Variants in FLT1 observed in about 807,000 individuals in gnomAD.
The protein encoded by FLT1 is vascular endothelial growth factor receptor 1.
FLT1 carries 49 observed loss-of-function variants against 156.3 expected under a neutral mutation model. The ratio of observed to expected loss-of-function variants is 0.31; its 90% CI spans 0.25 to 0.40. FLT1 has a LOEUF of 0.40. Among genes scored for constraint, FLT1 ranks in the 10% least tolerant of loss-of-function variants. FLT1 has a pLI of 1.00. For missense variants in FLT1, 1,322 were observed against 1,637.2 expected (o/e 0.81, Z 3.32); for synonymous variants, 594 against 583.8 (o/e 1.02, Z -0.25).
At chr13:28,311,926 AAAAC>A in intron 26 of FLT1, 63 bp downstream of exon 26, 1 of 1,236,180 alleles carries the variant, frequency 8.1e-7, no homozygotes, top group South Asian at 1.3e-5. Flanking sequence ...TCTTAAAAAA[AAAAC>A]AAATAAAATG....
intron 14 of FLT1, among the ~76,000 whole-genome samples, chr13:28,360,334 G>A (rs903961351): frequency 5.3e-5 from 8 of 152,048 alleles, no homozygotes; most frequent in East Asian, 1.9e-4. Flanking sequence ...CCCACTACTG[G>A]GTATCTACCC....
chr13:28,476,261 A>C (rs990285973), intron 1 of FLT1, among the ~76,000 whole-genome samples: 1 of 152,032 alleles, frequency 6.6e-6, no homozygotes, highest in African/African-American at 2.4e-5. Flanking sequence ...CTTTAATTAC[A>C]TTTTTCATTC....
intron 14 of FLT1, among the ~76,000 whole-genome samples, chr13:28,363,174 T>C (rs994642267): frequency 2.3e-4 from 35 of 152,218 alleles, no homozygotes; most frequent in African/African-American, 7.7e-4. Flanking sequence ...CAGGCTCTGT[T>C]CTGCTGAGGA....
chr13:28,316,254 T>C (rs1871198786), intron 25 of FLT1, among the ~76,000 whole-genome samples: 2 of 152,130 alleles, frequency 1.3e-5, no homozygotes, highest in Admixed American at 1.3e-4. Flanking sequence ...TACCCCGAGA[T>C]GATGAAGGAA....
rs1013554818 is a variant in FLT1, at chr13:28,339,057, T to C, written c.2488+111A>G. ...TCTCCCTTGCTAGTCTGTGAGCAGC[T>C]GGAGGGTAGAATCCCAGGTCTAGTT... On this transcript the variant is annotated intron_variant, in intron 17 of 29. Transcript: ENST00000282397. 26 of 953,780 alleles carry C rather than the reference T, an allele frequency of 2.7e-5. No individual in the cohort carries two copies. The African/African-American group carries it at 4.1e-4, about 15-fold the overall frequency. 59.1% of individuals were successfully genotyped at this position (953,780 alleles called of 1,614,324 possible). A position where few individuals can be genotyped will look rare whatever the true frequency, so the allele number is the denominator to read the frequency against.
intron 14 of FLT1, among the ~76,000 whole-genome samples, chr13:28,379,196 A>G (rs1873971362): frequency 6.6e-6 from 1 of 152,130 alleles, no homozygotes. Flanking sequence ...TGCAAAAATT[A>G]GCCTGGCGTT....
At chr13:28,472,244 GT>G (rs1880218265) in intron 1 of FLT1, among the ~76,000 whole-genome samples, 1 of 152,150 alleles carries the variant, frequency 6.6e-6, no homozygotes, top group African/African-American at 2.4e-5. Context: ...AAAATGGAAT[GT>G]TTTCTTTGAC....
chr13:28,355,694 C>A (rs116284626), intron 15 of FLT1, among the ~76,000 whole-genome samples: 4 of 152,252 alleles, frequency 2.6e-5, no homozygotes, highest in Admixed American at 1.3e-4. Flanking sequence ...CCACGCTTGG[C>A]GTTATGTGGC....
chr13:28,384,448 C>CAAAAAA (rs79860949), intron 14 of FLT1, among the ~76,000 whole-genome samples: 5 of 60,278 alleles, frequency 8.3e-5, no homozygotes, highest in African/African-American at 1.7e-4. Context: ...GACTCCATCT[C>CAAAAAA]AAAAAAAAAA....
At position 28,312,098 on chromosome 13, in the gene FLT1, G is replaced by A. The variant is rs201631321; in HGVS notation, c.3387C>T (p.Ile1129=). The A allele has an allele frequency of 6.3e-7, 1 of 1,598,080 alleles. No individual in the cohort carries two copies. ...GCCAGCAGTCCAGCATGATCTGATA[G>A]CTGGTGGGGAAAACAGCAACAGAAA... ...MRAPEYSTPE[I]YQIMLDCWHR... Residue 1129 remains isoleucine, a splice_region_variant and synonymous_variant, in exon 26 of 30, where the codon ATC becomes ATT. Coordinates refer to ENST00000282397, the MANE Select transcript of FLT1 (RefSeq NM_002019.4).
intron 16 of FLT1, among the ~76,000 whole-genome samples, chr13:28,342,552 A>G (rs1341033884): frequency 6.6e-6 from 1 of 152,126 alleles, no homozygotes; most frequent in East Asian, 1.9e-4. Flanking sequence ...GATGTTAAAC[A>G]TTTACCATAG....
At chr13:28,396,651 A>G (rs868286643) in intron 12 of FLT1, among the ~76,000 whole-genome samples, 2 of 152,160 alleles carry the variant, frequency 1.3e-5, no homozygotes, top group Non-Finnish European at 2.9e-5. Flanking sequence ...TTGAACTGCT[A>G]TGTACCAGAC....
At chr13:28,390,190 G>C in intron 12 of FLT1, 86 bp from the exon 13 acceptor site, 1 of 1,542,312 alleles carries the variant, frequency 6.5e-7, no homozygotes, top group Non-Finnish European at 8.8e-7. Context: ...AATTGTTCGT[G>C]CACAAATTAT....
intron 3 of FLT1, among the ~76,000 whole-genome samples, chr13:28,442,006 T>C (rs985145572): frequency 2.0e-5 from 3 of 152,178 alleles, no homozygotes; most frequent in Admixed American, 2.0e-4. Flanking sequence ...TCCTCTATAA[T>C]AGAATGAGAC....
intron 3 of FLT1, among the ~76,000 whole-genome samples, chr13:28,449,048 A>G (rs556334602): frequency 6.6e-6 from 1 of 152,330 alleles, no homozygotes; most frequent in Admixed American, 6.5e-5. Context: ...TGGGAGCCCA[A>G]GACAGAAGCA....
intron 4 of FLT1, among the ~76,000 whole-genome samples, chr13:28,436,391 C>T (rs1006011687): frequency 4.6e-5 from 7 of 152,172 alleles, no homozygotes; most frequent in African/African-American, 2.4e-5. Context: ...AGCAGAAATA[C>T]GTCATAGGTT....
At chr13:28,366,961 C>T (rs768175674) in intron 14 of FLT1, among the ~76,000 whole-genome samples, 2 of 152,086 alleles carry the variant, frequency 1.3e-5, no homozygotes, top group African/African-American at 2.4e-5. Context: ...TAGTGCAGGC[C>T]GATAGACAGC....
At chr13:28,403,287 G>C (rs1258551797) in intron 11 of FLT1, among the ~76,000 whole-genome samples, 1 of 152,084 alleles carries the variant, frequency 6.6e-6, no homozygotes, top group Non-Finnish European at 1.5e-5. Context: ...CAAGTGCAGA[G>C]GTCTATATTT....
chr13:28,329,576 G>T, intron 19 of FLT1, 39 bp downstream of exon 19: 1 of 1,390,182 alleles, frequency 7.2e-7, no homozygotes, highest in Non-Finnish European at 1.0e-6. Context: ...CCCAGCCTGT[G>T]CAGGGGGAGA....
Sources: allele counts gnomAD v4.1 joint callset (sites outside exome capture counted in the v4.1 genomes callset), GRCh38; gene constraint gnomAD v4.1.1; transcripts MANE v1.5; gene names NCBI Gene and HGNC (gene_info 2026-07-23, HGNC 2026-07-21).